Variants in CDH10 observed in about 807,000 individuals in gnomAD.
The protein encoded by CDH10 is cadherin-10.
In CDH10, 30 loss-of-function variants were observed where a neutral mutation model predicts 73.1. The ratio of observed to expected loss-of-function variants is 0.41; its 90% CI spans 0.31 to 0.56. The LOEUF (loss-of-function observed/expected upper bound fraction) is 0.56. Among genes scored for constraint, CDH10 ranks in the 20% least tolerant of loss-of-function variants. The pLI, the probability that CDH10 is intolerant of heterozygous loss-of-function variation, is 0.27. For missense variants in CDH10, 815 were observed against 973.7 expected, an observed-to-expected ratio of 0.84 and a Z score of 2.17; for synonymous variants, 345 against 348.2, an observed-to-expected ratio of 0.99 and a Z score of 0.10.
intron 5 of CDH10, 62 bp from the exon 6 acceptor site, chr5:24,511,576 A>AGAGAGAGG: frequency 1.2e-6 from 1 of 819,976 alleles, no homozygotes. Flanking sequence ...AGAGAGAGAG[A>AGAGAGAGG]GAGAGAGAGA....
chr5:24,517,048 A>G (rs1307979819), intron 5 of CDH10, among the ~76,000 whole-genome samples: 1 of 152,150 alleles, frequency 6.6e-6, no homozygotes, highest in African/African-American at 2.4e-5. Context: ...CTTTCATTTT[A>G]GAAATCAACA....
intron 10 of CDH10, among the ~76,000 whole-genome samples, chr5:24,492,244 T>A (rs1484293971): frequency 1.3e-5 from 2 of 152,230 alleles, no homozygotes; most frequent in Non-Finnish European, 2.9e-5. Context: ...CACACATCAA[T>A]CCAATACTCA....
At chr5:24,546,615 T>A (rs946341886) in intron 2 of CDH10, among the ~76,000 whole-genome samples, 1 of 152,172 alleles carries the variant, frequency 6.6e-6, no homozygotes, top group Non-Finnish European at 1.5e-5. Flanking sequence ...CTTATGTATA[T>A]ATGTATATAT....
At chr5:24,618,799 T>C (rs532708649) in intron 1 of CDH10, among the ~76,000 whole-genome samples, 1 of 152,346 alleles carries the variant, frequency 6.6e-6, no homozygotes, top group Admixed American at 6.5e-5. Flanking sequence ...TTGTTTAATT[T>C]GACTTCCTGG....
chr5:24,610,270 G>A (rs1251258808), intron 1 of CDH10, among the ~76,000 whole-genome samples: 1 of 152,056 alleles, frequency 6.6e-6, no homozygotes. Flanking sequence ...GGGAAAATGA[G>A]GCAAAGAATC....
At chr5:24,531,726 T>A (rs1743760317) in intron 5 of CDH10, among the ~76,000 whole-genome samples, 1 of 152,080 alleles carries the variant, frequency 6.6e-6, no homozygotes, top group African/African-American at 2.4e-5. Flanking sequence ...ACGTGGGAAT[T>A]ATGGGAGCTA....
intron 2 of CDH10, among the ~76,000 whole-genome samples, chr5:24,552,688 C>T (rs1221556354): frequency 1.3e-5 from 2 of 151,984 alleles, no homozygotes; most frequent in East Asian, 1.9e-4. Context: ...ATTAATTTTC[C>T]TTTAAATTCA....
chr5:24,637,068 T>A (rs930928252), intron 1 of CDH10, among the ~76,000 whole-genome samples: 5 of 152,012 alleles, frequency 3.3e-5, no homozygotes, highest in Non-Finnish European at 7.4e-5. Flanking sequence ...GATCCTTATA[T>A]TAGTCACTTT....
intron 2 of CDH10, among the ~76,000 whole-genome samples, chr5:24,544,990 G>A (rs1046540150): frequency 1.3e-5 from 2 of 152,064 alleles, no homozygotes; most frequent in Non-Finnish European, 2.9e-5. Context: ...TGCTTCAAAG[G>A]TCAACAATTT....
chr5:24,513,509 T>C (rs1014744415), intron 5 of CDH10, among the ~76,000 whole-genome samples: 1 of 152,148 alleles, frequency 6.6e-6, no homozygotes, highest in African/African-American at 2.4e-5. Context: ...AGGATTCTAG[T>C]CCCTAGAATT....
chr5:24,517,207 T>C (rs1459314604), intron 5 of CDH10, among the ~76,000 whole-genome samples: 1 of 152,122 alleles, frequency 6.6e-6, no homozygotes, highest in East Asian at 1.9e-4. Context: ...TATGCATGCT[T>C]TTTGTAAATT....
intron 2 of CDH10, among the ~76,000 whole-genome samples, chr5:24,563,740 G>A (rs1745053181): frequency 7.0e-6 from 1 of 143,240 alleles, no homozygotes; most frequent in South Asian, 2.2e-4. Flanking sequence ...CTGCACTCCA[G>A]CCTGGGCGAC....
intron 2 of CDH10, among the ~76,000 whole-genome samples, chr5:24,582,505 C>T (rs1049365366): frequency 1.3e-5 from 2 of 152,062 alleles, no homozygotes; most frequent in Non-Finnish European, 2.9e-5. Flanking sequence ...TAATACACCA[C>T]AAAGAGGGAT....
chr5:24,530,291 C>A (rs2111855485), intron 5 of CDH10, among the ~76,000 whole-genome samples: 1 of 151,960 alleles, frequency 6.6e-6, no homozygotes, highest in South Asian at 2.1e-4. Flanking sequence ...AATATTGTAA[C>A]ATTTTCTCAG....
At chr5:24,508,945 G>A (rs995825764) in intron 7 of CDH10, among the ~76,000 whole-genome samples, 1 of 152,128 alleles carries the variant, frequency 6.6e-6, no homozygotes, top group African/African-American at 2.4e-5. Flanking sequence ...CTGTACTAGG[G>A]ATCAGAACAA....
At chr5:24,559,939 G>C (rs1158991591) in intron 2 of CDH10, among the ~76,000 whole-genome samples, 1 of 152,010 alleles carries the variant, frequency 6.6e-6, no homozygotes, top group Non-Finnish European at 1.5e-5. Context: ...TACTTTCTGT[G>C]TTTTAAAGTG....
At chr5:24,620,710 A>C (rs10067393) in intron 1 of CDH10, among the ~76,000 whole-genome samples, 24,158 of 152,038 alleles carry the variant, frequency 0.16, 2,172 homozygotes, top group African/African-American at 0.24. Flanking sequence ...ATACTACCAC[A>C]CTTATAGGGC....
At chr5:24,604,734 C>T (rs567314234) in intron 1 of CDH10, among the ~76,000 whole-genome samples, 3 of 151,894 alleles carry the variant, frequency 2.0e-5, no homozygotes, top group East Asian at 1.9e-4. Context: ...ATTAGCTGGG[C>T]GTGGTGGCAG....
intron 1 of CDH10, among the ~76,000 whole-genome samples, chr5:24,607,588 A>G (rs1035017510): frequency 3.3e-5 from 5 of 152,244 alleles, no homozygotes; most frequent in African/African-American, 1.2e-4. Flanking sequence ...AAATTTTAGC[A>G]ATATGACTTA....
Sources: allele counts gnomAD v4.1 joint callset (sites outside exome capture counted in the v4.1 genomes callset), GRCh38; gene constraint gnomAD v4.1.1; transcripts MANE v1.5; gene names NCBI Gene and HGNC (gene_info 2026-07-23, HGNC 2026-07-21).